The following CFDP1 variants were observed in gnomAD, a reference collection of about 807,000 sequenced individuals.
CFDP1 encodes heterochromatin-stabilizing protein CFDP1.
A neutral mutation model predicts 40.1 loss-of-function variants in CFDP1; 31 were observed. That is an observed-to-expected ratio of 0.77 (90% CI 0.58 to 1.04). The LOEUF is 1.04. Ranked by LOEUF, CFDP1 falls within the 50% of genes least tolerant of loss-of-function variation. CFDP1 has a pLI of 0.00. For synonymous variants in CFDP1, 167 were observed against 120.0 expected (o/e 1.39, Z -2.56); for missense variants, 423 against 343.4 (o/e 1.23, Z -1.83).
chr16:75,432,822 CA>C (rs1250878966), intron 1 of CFDP1, among the ~76,000 whole-genome samples: 1 of 152,050 alleles, frequency 6.6e-6, no homozygotes, highest in Non-Finnish European at 1.5e-5. Flanking sequence ...CACAATGAGG[CA>C]AAAAGCATCA....
At chr16:75,358,810 T>C (rs530074661) in intron 5 of CFDP1, among the ~76,000 whole-genome samples, 1 of 152,306 alleles carries the variant, frequency 6.6e-6, no homozygotes, top group East Asian at 1.9e-4. Context: ...ACTTGTTGCC[T>C]ACCACCGTGA....
intron 5 of CFDP1, among the ~76,000 whole-genome samples, chr16:75,319,830 G>A (rs559430287): frequency 1.3e-5 from 2 of 152,228 alleles, no homozygotes; most frequent in East Asian, 1.9e-4. Flanking sequence ...ACAAGAATGG[G>A]GTTACTTAAG....
At chr16:75,314,143 C>T (rs184508895) in intron 5 of CFDP1, among the ~76,000 whole-genome samples, 2,648 of 152,276 alleles carry the variant, frequency 0.017, 74 homozygotes, top group African/African-American at 0.06. Context: ...CCTCAGCCTC[C>T]CAAAGTGCAG....
intron 5 of CFDP1, among the ~76,000 whole-genome samples, chr16:75,353,776 A>G (rs2078628434): frequency 7.6e-6 from 1 of 131,562 alleles, no homozygotes; most frequent in Non-Finnish European, 1.6e-5. Flanking sequence ...AAAAAAAAAA[A>G]GTCATTAATG....
At chr16:75,421,410 A>C (rs934988256) in intron 1 of CFDP1, among the ~76,000 whole-genome samples, 2 of 152,150 alleles carry the variant, frequency 1.3e-5, no homozygotes, top group African/African-American at 4.8e-5. Flanking sequence ...TTATACATAC[A>C]AAACCCCCCA....
chr16:75,395,062 C>T (rs761771389), intron 5 of CFDP1, 28 bp downstream of exon 5: 2 of 1,612,884 alleles, frequency 1.2e-6, no homozygotes, highest in Admixed American at 1.7e-5. Context: ...GTGCCAAGTA[C>T]ATCAGGGAGT....
At chr16:75,337,224 G>A (rs2078495443) in intron 5 of CFDP1, among the ~76,000 whole-genome samples, 1 of 152,222 alleles carries the variant, frequency 6.6e-6, no homozygotes, top group African/African-American at 2.4e-5. Context: ...GAGGGACTAA[G>A]TGCAGGAATG....
chr16:75,398,836 C>T (rs1368967189), intron 4 of CFDP1, among the ~76,000 whole-genome samples: 1 of 151,812 alleles, frequency 6.6e-6, no homozygotes, highest in East Asian at 1.9e-4. Context: ...GGGCAGATCA[C>T]GAGGTCAGGA....
chr16:75,410,539 C>T (rs1285970204), intron 4 of CFDP1, among the ~76,000 whole-genome samples: 1 of 151,914 alleles, frequency 6.6e-6, no homozygotes, highest in East Asian at 1.9e-4. Flanking sequence ...TTTGTGAGGC[C>T]AAGGCAGGCG....
At chr16:75,428,531 C>A (rs1448516772) in intron 1 of CFDP1, among the ~76,000 whole-genome samples, 1 of 151,746 alleles carries the variant, frequency 6.6e-6, no homozygotes, top group African/African-American at 2.4e-5. Context: ...GCAGGGGAAT[C>A]GCTTGAACCC....
intron 6 of CFDP1, among the ~76,000 whole-genome samples, 183 bp downstream of exon 6, chr16:75,304,841 C>T (rs1284423961): frequency 6.6e-6 from 1 of 152,196 alleles, no homozygotes; most frequent in Non-Finnish European, 1.5e-5. Context: ...CCGCAGTGGC[C>T]TTCCCAGTGA....
intron 5 of CFDP1, among the ~76,000 whole-genome samples, chr16:75,319,327 C>A (rs1245970337): frequency 6.6e-6 from 1 of 152,158 alleles, no homozygotes; most frequent in Non-Finnish European, 1.5e-5. Context: ...CAGGTGTGAG[C>A]CACCACGCCC....
intron 1 of CFDP1, among the ~76,000 whole-genome samples, chr16:75,420,153 G>C (rs2079262048): frequency 6.8e-6 from 1 of 147,316 alleles, no homozygotes; most frequent in Non-Finnish European, 1.5e-5. Flanking sequence ...AGCAATTTAA[G>C]TTTTAACCAT....
chr16:75,358,601 T>C (rs1342077588), intron 5 of CFDP1, among the ~76,000 whole-genome samples: 1 of 152,152 alleles, frequency 6.6e-6, no homozygotes, highest in Non-Finnish European at 1.5e-5. Context: ...ACAACCAAAT[T>C]ACAAGCTGAA....
At chr16:75,399,985 C>A (rs8046000) in intron 4 of CFDP1, among the ~76,000 whole-genome samples, 1 of 151,016 alleles carries the variant, frequency 6.6e-6, no homozygotes, top group East Asian at 2.0e-4. Context: ...CCTGTAATCC[C>A]AGCTGCTTGG....
intron 5 of CFDP1, among the ~76,000 whole-genome samples, chr16:75,374,634 T>C (rs1035052107): frequency 2.0e-5 from 3 of 151,658 alleles, no homozygotes; most frequent in East Asian, 3.9e-4. Flanking sequence ...CTGGGCAACA[T>C]AGTGAGACCC....
intron 5 of CFDP1, among the ~76,000 whole-genome samples, chr16:75,341,305 T>C (rs1258938646): frequency 6.6e-6 from 1 of 152,212 alleles, no homozygotes; most frequent in Non-Finnish European, 1.5e-5. Flanking sequence ...TGACAGCTGC[T>C]GTTCTTAACT....
intron 5 of CFDP1, among the ~76,000 whole-genome samples, chr16:75,326,311 A>G (rs1311421629): frequency 1.3e-5 from 2 of 152,200 alleles, no homozygotes; most frequent in African/African-American, 2.4e-5. Flanking sequence ...AGCCAGGAGC[A>G]ACGCCTTAGT....
At chr16:75,410,519 A>T (rs866965372) in intron 4 of CFDP1, among the ~76,000 whole-genome samples, 118 of 152,280 alleles carry the variant, frequency 7.7e-4, no homozygotes, top group African/African-American at 2.7e-3. Context: ...CATGCCTGTA[A>T]TCTCAGCACT....
Sources: gnomAD v4.1 joint callset for allele counts (sites outside exome capture counted in the v4.1 genomes callset) on GRCh38, gnomAD v4.1.1 for gene constraint, MANE v1.5 for transcripts, NCBI Gene and HGNC (gene_info 2026-07-23, HGNC 2026-07-21) for gene names.